KIAA1549: variants seen among roughly 807,000 people sequenced by gnomAD.
KIAA1549 encodes the protein UPF0606 protein KIAA1549.
Under a neutral mutation model 156.4 loss-of-function variants are expected in KIAA1549, and 70 were observed. The observed-to-expected ratio is 0.45, with a 90% CI of 0.37 to 0.55. The LOEUF is 0.55. KIAA1549 is among the 20% of genes least tolerant of loss of function. KIAA1549 has a pLI of 0.00. For missense variants in KIAA1549, 2,428 were observed against 2,540.9 expected (o/e 0.96, Z 0.96); for synonymous variants, 1,103 against 1,066.4 (o/e 1.03, Z -0.67).
In KIAA1549 at chr7:138,918,992, A is replaced by G; in HGVS notation, c.634T>C (p.Trp212Arg). ...SLQDEEVTSG[W>R]QNTTRQPAAY... ...GCTGGTTGTCGCGTTGTGTTCTGCC[A>G]GCCCGATGTCACTTCTTCATCTTGT... is the stretch of plus-strand genomic sequence containing the variant. The change falls in exon 2 of 20, where the codon TGG (tryptophan) becomes CGG (arginine). Residue 212 changes from tryptophan to arginine, a missense_variant. Around this residue, in one of 5 missense-constraint regions of KIAA1549, gnomAD observed 893 missense variants for 847.9 expected, o/e 1.05. Coordinates refer to ENST00000422774, the MANE Select transcript of KIAA1549 (RefSeq NM_001164665.2). This position sits in a 1 kb window ranked among gnomAD's most constrained non-coding sequence, Gnocchi z 4.2. 2 of 1,614,052 alleles carry G rather than the reference A, an allele frequency of 1.2e-6. No individual in the cohort carries two copies. The highest frequency in any genetic ancestry group is 1.7e-6 in the Non-Finnish European group (2 of 1,179,906).
At chr7:138,935,346 TTC>T (rs1261182683) in intron 1 of KIAA1549, among the ~76,000 whole-genome samples, 2 of 152,194 alleles carry the variant, frequency 1.3e-5, no homozygotes, top group African/African-American at 2.4e-5. Flanking sequence ...CCAAAAGATA[TTC>T]TGTTTTGCTT....
At position 138,834,593 on chromosome 7, in the gene KIAA1549, A is replaced by G. The variant is rs148346534; in HGVS notation, c.*3313T>C. 8.2e-4 allele frequency: 189 copies of G among 231,600 alleles called. No homozygotes were observed. The highest frequency in any genetic ancestry group is 4.0e-3 in the African/African-American group (183 of 45,394). 14.3% of individuals were successfully genotyped at this position (231,600 alleles called of 1,614,324 possible). The stretch of plus-strand genomic sequence containing the variant: ...GGTTATTTGGTGCCAGAGACACCAG[A>G]AAGTCGGGAGCAGAAAGATGCTTAA... On this transcript the variant is annotated 3_prime_UTR_variant, in exon 20 of 20. Coordinates refer to ENST00000422774, the MANE Select transcript of KIAA1549 (RefSeq NM_001164665.2).
chr7:138,875,731 T>C (rs1811066140), intron 12 of KIAA1549, among the ~76,000 whole-genome samples: 1 of 152,178 alleles, frequency 6.6e-6, no homozygotes, highest in Admixed American at 6.5e-5. Context: ...ATTACTAAAA[T>C]GACAAAGCAA....
intron 9 of KIAA1549, among the ~76,000 whole-genome samples, chr7:138,897,891 T>TAAA (rs1318496542): frequency 5.5e-5 from 1 of 18,130 alleles, no homozygotes; most frequent in African/African-American, 2.2e-4. Context: ...AGACCCTTTC[T>TAAA]CAAAAAAAAA....
At chr7:138,920,260 G>A (rs1291881225) in intron 1 of KIAA1549, among the ~76,000 whole-genome samples, 1 of 46,610 alleles carries the variant, frequency 2.1e-5, no homozygotes, top group Non-Finnish European at 3.6e-5. Flanking sequence ...TGGCCCTTCA[G>A]ATGCAGCACA....
At chr7:138,933,161 C>T (rs746770862) in intron 1 of KIAA1549, among the ~76,000 whole-genome samples, 2 of 152,162 alleles carry the variant, frequency 1.3e-5, no homozygotes, top group African/African-American at 2.4e-5. Context: ...ACGCAGTCAA[C>T]TTCATGAGCA....
chr7:138,935,947 G>A (rs1381282062), intron 1 of KIAA1549, among the ~76,000 whole-genome samples: 4 of 152,172 alleles, frequency 2.6e-5, no homozygotes, highest in African/African-American at 9.7e-5. Flanking sequence ...AGAAAAGTTG[G>A]CCCAAGAGTG....
chr7:138,916,426 T>C (rs982371019), intron 2 of KIAA1549, among the ~76,000 whole-genome samples: 25 of 152,042 alleles, frequency 1.6e-4, no homozygotes, highest in Non-Finnish European at 3.5e-4. Flanking sequence ...CTGACTAATA[T>C]GCACCATCCC....
At position 138,848,776 on chromosome 7, in the gene KIAA1549, A is replaced by C. The variant is rs150493133; in HGVS notation, c.5294+3447T>G. ...CTTTCCCTCCTTCAGTGTTTGGCAG[A>C]ATTCACTGCTGAAGTCCCCTGGGCC... On this transcript the variant is annotated intron_variant, in intron 17 of 19. Transcript: ENST00000422774. Among the ~76,000 whole-genome samples the C allele has an allele frequency of 7.9e-5, 12 of 152,294 alleles. No homozygotes were observed. In the East Asian group the frequency reaches 1.9e-3, roughly 24 times the overall value.
intron 5 of KIAA1549, among the ~76,000 whole-genome samples, chr7:138,907,856 A>C (rs1812050734): frequency 6.6e-6 from 1 of 152,194 alleles, no homozygotes; most frequent in Non-Finnish European, 1.5e-5. Context: ...AGAAGGAAAG[A>C]AAATGAATGA....
chr7:138,903,792 A>AGTGTGTGT (rs55745123), intron 7 of KIAA1549, 56 bp from the exon 8 acceptor site: 22 of 1,197,354 alleles, frequency 1.8e-5, no homozygotes, highest in Middle Eastern at 2.0e-4. Flanking sequence ...GTAAAAAAAC[A>AGTGTGTGT]GTGTGTGTGT....
chr7:138,885,963 G>A (rs1377835114), intron 10 of KIAA1549, among the ~76,000 whole-genome samples: 1 of 152,112 alleles, frequency 6.6e-6, no homozygotes, highest in African/African-American at 2.4e-5. Context: ...GGACAGTGTC[G>A]GAACTGAATT....
chr7:138,894,279 T>A, intron 10 of KIAA1549, 63 bp downstream of exon 10: 1 of 1,518,286 alleles, frequency 6.6e-7, no homozygotes, highest in Non-Finnish European at 9.1e-7. Context: ...GAGCCCAAAC[T>A]CATCCTATCC....
At position 138,918,091 on chromosome 7, in the gene KIAA1549, T is replaced by A; in HGVS notation, c.1535A>T (p.Asp512Val). Residue 512 changes from aspartate (D) to valine (V), a missense_variant, in exon 2 of 20, where the codon GAT becomes GTT. Physicochemically the swap from Asp to Val is radical, Grantham distance 152 (BLOSUM62 -3). Coordinates refer to ENST00000422774, the MANE Select transcript of KIAA1549 (RefSeq NM_001164665.2). The surrounding 1 kb of genome is among the most constrained non-coding windows in gnomAD (Gnocchi z 4.2). ...ETSVGISAEV[D>V]MSSVTTTQVP... ...CTGTGTGGTTGTAACACTACTCATA[T>A]CCACCTCGGCAGAAATGCCAACACT... 6.2e-7 allele frequency: 1 copy of A among 1,613,840 alleles called. No individual in the cohort carries two copies. Among genetic ancestry groups the A allele is most frequent in the Non-Finnish European group, 8.5e-7 (1 of 1,179,856 alleles).
At chr7:138,862,606 A>C (rs1810619361) in intron 15 of KIAA1549, among the ~76,000 whole-genome samples, 1 of 152,184 alleles carries the variant, frequency 6.6e-6, no homozygotes, top group Admixed American at 6.5e-5. Context: ...TGTCTTTAAA[A>C]TGAAGGTATC....
Position 138,905,038 on chromosome 7 carries a change from G to C in KIAA1549, c.3504C>G (p.Ser1168=). 2 of 1,575,152 alleles carry C rather than the reference G, an allele frequency of 1.3e-6. No homozygotes were observed. The highest frequency in any genetic ancestry group is 1.7e-6 in the Non-Finnish European group (2 of 1,158,624). The change falls in exon 7 of 20, where the codon TCC becomes TCG. Residue 1168 remains serine (S), a synonymous_variant. Transcript: ENST00000422774. ...TAAACATACCTGTTCTGACCCAAGA[G>C]GACTTCAGCAACTGAGATAAGTTGA... is the stretch of plus-strand genomic sequence containing the variant. ...PQLNLSQLLK[S]SWVRTVLLGV...
At chr7:138,952,507 G>T (rs1813531015) in intron 1 of KIAA1549, among the ~76,000 whole-genome samples, 1 of 152,194 alleles carries the variant, frequency 6.6e-6, no homozygotes, top group Admixed American at 6.5e-5. Flanking sequence ...CAGGAATAAA[G>T]TGAGGACTCT....
chr7:138,979,573 A>G (rs1814481768), intron 1 of KIAA1549, among the ~76,000 whole-genome samples: 1 of 152,238 alleles, frequency 6.6e-6, no homozygotes, highest in Non-Finnish European at 1.5e-5. Flanking sequence ...GAAACCATTT[A>G]TCTGCTGTGT....
chr7:138,911,658 A>T (rs1446762090), intron 3 of KIAA1549, among the ~76,000 whole-genome samples: 1 of 152,242 alleles, frequency 6.6e-6, no homozygotes, highest in Non-Finnish European at 1.5e-5. Flanking sequence ...CAATTTAAAA[A>T]TTTCTAGTGG....
Sources: gnomAD v4.1 joint callset for allele counts (sites outside exome capture counted in the v4.1 genomes callset) on GRCh38, gnomAD v4.1.1 for gene constraint, gnomAD v4.1.1 regional missense constraint, Gnocchi (gnomAD v3.1) non-coding constraint, MANE v1.5 for transcripts, NCBI Gene and HGNC (gene_info 2026-07-23, HGNC 2026-07-21) for gene names.